BRD10: variants seen among roughly 807,000 people sequenced by gnomAD.
The protein encoded by BRD10 is bromodomain containing 10.
chr9:6,004,228 C>G, the BRD10 span, among the ~76,000 whole-genome samples: 1 of 152,200 alleles, frequency 6.6e-6, no homozygotes, highest in East Asian at 1.9e-4. Flanking sequence ...TTAAATTCCT[C>G]TTGTACTTTG....
chr9:5,978,193 C>G, the BRD10 span, among the ~76,000 whole-genome samples: 1 of 151,868 alleles, frequency 6.6e-6, no homozygotes, highest in Non-Finnish European at 1.5e-5. Context: ...CTGTGAAATA[C>G]TAATAGAAGC....
At chr9:5,888,749 G>A in the BRD10 span, among the ~76,000 whole-genome samples, 32 of 152,296 alleles carry the variant, frequency 2.1e-4, 1 homozygote, top group Admixed American at 3.9e-4. Context: ...AGAACTCAAC[G>A]TCGATCATTC....
At chr9:5,986,996 G>C in the BRD10 span, among the ~76,000 whole-genome samples, 1 of 152,124 alleles carries the variant, frequency 6.6e-6, no homozygotes, top group Admixed American at 6.5e-5. Context: ...CTGCTTAGGA[G>C]CACTAGCTCT....
chr9:6,007,685 C>T, the BRD10 span: 5 of 1,609,562 alleles, frequency 3.1e-6, no homozygotes, highest in Admixed American at 5.1e-5. Context: ...GTCTGGGCCG[C>T]CGCTGCCACC....
At chr9:5,951,784 C>A in the BRD10 span, among the ~76,000 whole-genome samples, 2 of 151,048 alleles carry the variant, frequency 1.3e-5, no homozygotes, top group African/African-American at 2.5e-5. Flanking sequence ...AGCACTATCT[C>A]CTATTTTATT....
chr9:5,919,711 T>C, the BRD10 span: 6 of 1,611,280 alleles, frequency 3.7e-6, no homozygotes, highest in Admixed American at 1.7e-5. Context: ...CAGGCTTCTC[T>C]AAGCCCGACG....
At chr9:5,933,652 C>A in the BRD10 span, 4 of 390,348 alleles carry the variant, frequency 1.0e-5, no homozygotes, top group East Asian at 1.4e-4. Context: ...CTTAAGGAAT[C>A]ATAAAGGAAA....
At chr9:5,961,626 T>C in the BRD10 span, among the ~76,000 whole-genome samples, 103,802 of 151,954 alleles carry the variant, frequency 0.68, 37,273 homozygotes, top group Non-Finnish European at 0.82. Flanking sequence ...TTTTCTATGA[T>C]TGAATAAAAA....
At chr9:5,973,704 C>A in the BRD10 span, among the ~76,000 whole-genome samples, 1 of 151,904 alleles carries the variant, frequency 6.6e-6, no homozygotes, top group Non-Finnish European at 1.5e-5. Context: ...GACTAGGCAA[C>A]ATGGCGAGAT....
the BRD10 span, among the ~76,000 whole-genome samples, chr9:5,955,900 T>C: frequency 1.3e-5 from 2 of 152,138 alleles, no homozygotes; most frequent in African/African-American, 4.8e-5. Context: ...CAGCTAGTAA[T>C]TGATTCCTAA....
At chr9:5,979,537 C>T in the BRD10 span, among the ~76,000 whole-genome samples, 7 of 151,304 alleles carry the variant, frequency 4.6e-5, no homozygotes, top group African/African-American at 1.7e-4. Flanking sequence ...AAAAAAAATC[C>T]ACTATTTCTG....
chr9:5,901,406 G>A, the BRD10 span, among the ~76,000 whole-genome samples: 3 of 152,260 alleles, frequency 2.0e-5, no homozygotes, highest in East Asian at 5.8e-4. Flanking sequence ...CGTTTATTGA[G>A]AGTTTTAAAT....
the BRD10 span, among the ~76,000 whole-genome samples, chr9:6,006,916 T>C: frequency 6.6e-6 from 1 of 152,256 alleles, no homozygotes; most frequent in Non-Finnish European, 1.5e-5. Context: ...CAATTCTTCC[T>C]ACGGGACCCA....
the BRD10 span, among the ~76,000 whole-genome samples, chr9:5,940,797 G>T: frequency 2.6e-5 from 4 of 152,068 alleles, no homozygotes; most frequent in Non-Finnish European, 5.9e-5. Context: ...CTTACATATT[G>T]ATTATAAAAT....
the BRD10 span, among the ~76,000 whole-genome samples, chr9:5,981,622 TTCTA>T: frequency 1.4e-3 from 209 of 150,896 alleles, 1 homozygote; most frequent in African/African-American, 4.7e-3. Context: ...TGTATCTATC[TTCTA>T]TCTATCTATC....
the BRD10 span, chr9:5,921,641 G>C: frequency 6.2e-7 from 1 of 1,613,960 alleles, no homozygotes. Context: ...TTCTGACCTT[G>C]TAACAGGGTA....
At chr9:5,918,096 C>G in the BRD10 span, among the ~76,000 whole-genome samples, 91,585 of 152,106 alleles carry the variant, frequency 0.6, 28,971 homozygotes, top group Non-Finnish European at 0.73. Context: ...GCTTTCTTAA[C>G]TGACAGAAAA....
chr9:5,991,861 A>G, the BRD10 span, among the ~76,000 whole-genome samples: 1 of 151,908 alleles, frequency 6.6e-6, no homozygotes, highest in African/African-American at 2.4e-5. Context: ...CTACCTCTCC[A>G]GGCCTAATTT....
At chr9:5,982,220 C>T in the BRD10 span, among the ~76,000 whole-genome samples, 1 of 152,038 alleles carries the variant, frequency 6.6e-6, no homozygotes, top group Admixed American at 6.6e-5. Flanking sequence ...ACCAAACTTA[C>T]CCTCCTACTG....
Sources: allele counts gnomAD v4.1 joint callset (sites outside exome capture counted in the v4.1 genomes callset), GRCh38; gene constraint gnomAD v4.1.1; transcripts MANE v1.5; gene names NCBI Gene and HGNC (gene_info 2026-07-23, HGNC 2026-07-21).